ACTL8: variants seen among roughly 807,000 people sequenced by gnomAD.
ACTL8 encodes the protein actin-like protein 8.
A neutral mutation model predicts 9.3 loss-of-function variants in ACTL8; 3 were observed. That is an observed-to-expected ratio of 0.32 (90% CI 0.15 to 0.83). The LOEUF (loss-of-function observed/expected upper bound fraction) is 0.83. ACTL8 is among the 40% of genes least tolerant of loss of function. The pLI is 0.57. For synonymous variants in ACTL8, 224 were observed against 205.9 expected (o/e 1.09, Z -0.75); for missense variants, 381 against 492.2 (o/e 0.77, Z 2.14).
At chr1:17,755,601 C>T (rs1425170590) in intron 1 of ACTL8, 97 bp downstream of exon 1, 1 of 148,560 alleles carries the variant, frequency 6.7e-6, no homozygotes, top group African/African-American at 2.5e-5. Flanking sequence ...GCCATGCCCT[C>T]TTAAGCAAGG....
chr1:17,769,095 C>G (rs546296396), intron 1 of ACTL8, among the ~76,000 whole-genome samples: 1 of 152,298 alleles, frequency 6.6e-6, no homozygotes, highest in East Asian at 1.9e-4. Flanking sequence ...GAAGGTCCTG[C>G]TTCTTGCTAC....
chr1:17,787,625 A>C (rs1409372107), intron 1 of ACTL8, among the ~76,000 whole-genome samples: 1 of 152,016 alleles, frequency 6.6e-6, no homozygotes, highest in Non-Finnish European at 1.5e-5. Context: ...GTGTGCTGTA[A>C]TTCAACTGAC....
intron 1 of ACTL8, among the ~76,000 whole-genome samples, chr1:17,810,310 A>G (rs2066385506): frequency 6.6e-6 from 1 of 152,176 alleles, no homozygotes; most frequent in Non-Finnish European, 1.5e-5. Flanking sequence ...TTGCTTTGAC[A>G]CCTTTTCTAT....
At chr1:17,760,304 G>A (rs1324718386) in intron 1 of ACTL8, among the ~76,000 whole-genome samples, 1 of 152,106 alleles carries the variant, frequency 6.6e-6, no homozygotes, top group East Asian at 1.9e-4. Flanking sequence ...GAATGGGAGG[G>A]GAGATGCCAG....
intron 1 of ACTL8, among the ~76,000 whole-genome samples, chr1:17,768,142 C>T (rs1165089949): frequency 6.9e-6 from 1 of 144,570 alleles, no homozygotes; most frequent in Non-Finnish European, 1.5e-5. Flanking sequence ...AGGTGGGAAC[C>T]CAGCTAACTC....
intron 1 of ACTL8, among the ~76,000 whole-genome samples, chr1:17,762,612 G>A (rs2066014953): frequency 6.6e-6 from 1 of 152,206 alleles, no homozygotes; most frequent in Non-Finnish European, 1.5e-5. Flanking sequence ...GTTGTGCACT[G>A]TGTCTGGAGC....
At chr1:17,788,121 G>C (rs1383467004) in intron 1 of ACTL8, among the ~76,000 whole-genome samples, 1 of 152,208 alleles carries the variant, frequency 6.6e-6, no homozygotes, top group African/African-American at 2.4e-5. Flanking sequence ...TGTCAGCCCT[G>C]TGTATAGCAT....
chr1:17,761,945 A>T (rs539185390), intron 1 of ACTL8, among the ~76,000 whole-genome samples: 1 of 151,282 alleles, frequency 6.6e-6, no homozygotes, highest in East Asian at 2.0e-4. Context: ...GTTTCTCCTC[A>T]TCTCAGGTGG....
At chr1:17,793,115 A>G (rs566537984) in intron 1 of ACTL8, among the ~76,000 whole-genome samples, 1 of 152,322 alleles carries the variant, frequency 6.6e-6, no homozygotes, top group South Asian at 2.1e-4. Flanking sequence ...CGATAACCAC[A>G]CAAATGACAA....
At chr1:17,813,118 A>G (rs2066404181) in intron 1 of ACTL8, among the ~76,000 whole-genome samples, 1 of 152,058 alleles carries the variant, frequency 6.6e-6, no homozygotes, top group African/African-American at 2.4e-5. Context: ...TTTCCAATTC[A>G]TGTGTCTTTT....
At chr1:17,819,143 C>T (rs1263934850) in intron 1 of ACTL8, among the ~76,000 whole-genome samples, 2 of 152,240 alleles carry the variant, frequency 1.3e-5, no homozygotes, top group Non-Finnish European at 2.9e-5. Context: ...CCTTGTTTCA[C>T]AGCCACAGTG....
intron 1 of ACTL8, among the ~76,000 whole-genome samples, chr1:17,777,791 G>A (rs2066127719): frequency 6.6e-6 from 1 of 152,148 alleles, no homozygotes; most frequent in Non-Finnish European, 1.5e-5. Context: ...CTCCGCCTCT[G>A]GAGTTCAAGC....
intron 1 of ACTL8, among the ~76,000 whole-genome samples, chr1:17,775,426 G>A (rs1437020692): frequency 1.3e-5 from 2 of 152,176 alleles, no homozygotes; most frequent in Non-Finnish European, 2.9e-5. Flanking sequence ...ACCAAGCACC[G>A]GGCTGGGGAG....
intron 1 of ACTL8, among the ~76,000 whole-genome samples, chr1:17,776,332 A>C (rs2066117755): frequency 6.6e-6 from 1 of 152,170 alleles, no homozygotes; most frequent in Non-Finnish European, 1.5e-5. Flanking sequence ...TCCTGTGTAC[A>C]GCCACTCCAG....
intron 1 of ACTL8, among the ~76,000 whole-genome samples, chr1:17,759,582 C>A (rs1006298397): frequency 3.3e-5 from 5 of 152,222 alleles, no homozygotes; most frequent in Admixed American, 1.3e-4. Context: ...GCCATACCCT[C>A]TTCAGCAAGG....
At chr1:17,804,910 C>T (rs575582139) in intron 1 of ACTL8, among the ~76,000 whole-genome samples, 33 of 152,138 alleles carry the variant, frequency 2.2e-4, no homozygotes, top group African/African-American at 7.5e-4. Flanking sequence ...CCACTGTGCC[C>T]GGCAGTCCTC....
intron 1 of ACTL8, among the ~76,000 whole-genome samples, chr1:17,763,117 A>G (rs1411045459): frequency 6.6e-6 from 1 of 152,104 alleles, no homozygotes; most frequent in Non-Finnish European, 1.5e-5. Context: ...GCAATGAAAG[A>G]GCCTGGCCTG....
intron 1 of ACTL8, among the ~76,000 whole-genome samples, chr1:17,765,115 C>A (rs1197881469): frequency 6.6e-6 from 1 of 152,170 alleles, no homozygotes; most frequent in Non-Finnish European, 1.5e-5. Flanking sequence ...AGGTGCTGGA[C>A]GCTTCCTTCT....
intron 1 of ACTL8, among the ~76,000 whole-genome samples, chr1:17,783,807 A>G (rs1308329957): frequency 6.6e-6 from 1 of 152,262 alleles, no homozygotes; most frequent in Middle Eastern, 3.2e-3. Flanking sequence ...AATGAGAAAT[A>G]GCTCTTGCCT....
Sources: allele counts gnomAD v4.1 joint callset (sites outside exome capture counted in the v4.1 genomes callset), GRCh38; gene constraint gnomAD v4.1.1; transcripts MANE v1.5; gene names NCBI Gene and HGNC (gene_info 2026-07-23, HGNC 2026-07-21).